TENM2: variants seen among roughly 807,000 people sequenced by gnomAD.
TENM2 encodes the protein teneurin transmembrane protein 2.
A neutral mutation model predicts 245.2 loss-of-function variants in TENM2; 52 were observed. The ratio of observed to expected loss-of-function variants is 0.21; its 90% CI spans 0.17 to 0.27. The LOEUF is 0.27. TENM2 is among the 10% of genes least tolerant of loss of function. The pLI, the probability that TENM2 is intolerant of heterozygous loss-of-function variation, is 1.00. For missense variants in TENM2, 3,046 were observed against 3,666.8 expected (o/e 0.83, Z 4.37); for synonymous variants, 1,363 against 1,438.9 (o/e 0.95, Z 1.19).
rs1769457549 is a variant in TENM2, at chr5:167,505,165, T to C, written c.502+129692T>C. On this transcript the variant is annotated intron_variant, in intron 2 of 28. Coordinates refer to ENST00000518659, the Ensembl canonical transcript of TENM2. ...GATATTCAAACTGATGCTATCATTT[T>C]CTTAGTAATGATTGAAAGCTGCCTC... 2.0e-5 allele frequency among the ~76,000 whole-genome samples: 3 copies of C among 152,204 alleles called. No homozygotes were observed. In the South Asian group the frequency reaches 6.2e-4, roughly 31 times the overall value.
In TENM2 at chr5:167,515,661, G is replaced by A. The variant is rs867021750; in HGVS notation, c.502+140188G>A. On this transcript the variant is annotated intron_variant, in intron 2 of 28. Coordinates refer to ENST00000518659, the Ensembl canonical transcript of TENM2. ...TATGTATATATATACACATATATAC[G>A]TATATATGTGTATATATATTTTGAG... is the stretch of plus-strand genomic sequence containing the variant. Among the ~76,000 whole-genome samples the A allele has an allele frequency of 6.1e-3, 510 of 83,870 alleles. 9 individuals carry two copies. Among genetic ancestry groups the A allele is most frequent in the African/African-American group, 0.019 (406 of 20,910 alleles). The allele number at this position is 83,870 out of a possible 152,430, so 55.0% of individuals were successfully genotyped here. A position where few individuals can be genotyped will look rare whatever the true frequency, so the allele number is the denominator to read the frequency against.
the TENM2 span, among the ~76,000 whole-genome samples, chr5:167,211,985 T>G: frequency 6.6e-6 from 1 of 152,160 alleles, no homozygotes; most frequent in African/African-American, 2.4e-5. Flanking sequence ...AAGTTACATC[T>G]CTAAAGCCCA....
chr5:168,098,743 T>A (rs893827752), intron 9 of TENM2, among the ~76,000 whole-genome samples: 2 of 151,990 alleles, frequency 1.3e-5, no homozygotes, highest in African/African-American at 4.8e-5. Flanking sequence ...GCAGGTATAG[T>A]GAAGAGCAGA....
At chr5:167,787,658 C>A (rs1186415280) in intron 2 of TENM2, among the ~76,000 whole-genome samples, 1 of 152,186 alleles carries the variant, frequency 6.6e-6, no homozygotes, top group South Asian at 2.1e-4. Flanking sequence ...ATCTTTTTGA[C>A]CTAGCCTACA....
chr5:167,308,743 G>C (rs1185439211), intron 1 of TENM2, among the ~76,000 whole-genome samples: 1 of 152,170 alleles, frequency 6.6e-6, no homozygotes, highest in African/African-American at 2.4e-5. Flanking sequence ...ATGCTGTCGG[G>C]CTCTGCTCGT....
At chr5:168,203,697 G>A (rs1319260864) in exon 18 of TENM2, 13 of 1,605,324 alleles carry the variant, frequency 8.1e-6, no homozygotes, top group African/African-American at 1.3e-5. Flanking sequence ...AGTGTCTGTC[G>A]GGTTTGAATA....
chr5:167,885,755 C>T (rs1234696091), intron 3 of TENM2, among the ~76,000 whole-genome samples: 10 of 152,198 alleles, frequency 6.6e-5, no homozygotes, highest in Non-Finnish European at 1.2e-4. Flanking sequence ...ATGGTCTTGG[C>T]TCACTGCAAC....
chr5:167,550,510 C>T (rs973821807), intron 2 of TENM2, among the ~76,000 whole-genome samples: 6 of 152,210 alleles, frequency 3.9e-5, no homozygotes, highest in African/African-American at 1.2e-4. Flanking sequence ...TCTCATTATG[C>T]AGACATCTTC....
At chr5:167,490,874 G>A (rs13175181) in intron 2 of TENM2, among the ~76,000 whole-genome samples, 55,692 of 152,072 alleles carry the variant, frequency 0.37, 12,520 homozygotes, top group Non-Finnish European at 0.52. Context: ...CCCAAGGTAA[G>A]GTAGTTAAGT....
At chr5:168,013,853 C>G (rs1055817201) in intron 5 of TENM2, among the ~76,000 whole-genome samples, 1 of 152,200 alleles carries the variant, frequency 6.6e-6, no homozygotes, top group African/African-American at 2.4e-5. Context: ...CTAGTCCACG[C>G]TCTCCCTGAA....
At chr5:167,639,833 G>A (rs940221308) in intron 2 of TENM2, among the ~76,000 whole-genome samples, 7 of 152,074 alleles carry the variant, frequency 4.6e-5, no homozygotes, top group Non-Finnish European at 1.0e-4. Flanking sequence ...AACAGTGCCT[G>A]GTACATGGTA....
chr5:167,473,467 G>C (rs1479008604), intron 2 of TENM2, among the ~76,000 whole-genome samples: 8 of 152,120 alleles, frequency 5.3e-5, no homozygotes, highest in Non-Finnish European at 1.0e-4. Context: ...ACGAAGGAAA[G>C]TTCATTCTCA....
intron 2 of TENM2, among the ~76,000 whole-genome samples, chr5:167,553,305 G>A (rs1310512015): frequency 6.6e-6 from 1 of 152,190 alleles, no homozygotes; most frequent in East Asian, 1.9e-4. Context: ...CAGGAACAGA[G>A]GGCTGGGAGG....
chr5:167,262,210 T>C, the TENM2 span, among the ~76,000 whole-genome samples: 1 of 152,022 alleles, frequency 6.6e-6, no homozygotes, highest in African/African-American at 2.4e-5. Flanking sequence ...AATACAAAAT[T>C]AGCCTGGGGT....
chr5:167,021,650 C>A, the TENM2 span, among the ~76,000 whole-genome samples: 1 of 152,200 alleles, frequency 6.6e-6, no homozygotes, highest in African/African-American at 2.4e-5. Flanking sequence ...CTAAACCTGA[C>A]TCAAACATCT....
chr5:167,370,076 C>T (rs1581863265), intron 1 of TENM2, among the ~76,000 whole-genome samples: 1 of 152,172 alleles, frequency 6.6e-6, no homozygotes, highest in East Asian at 1.9e-4. Flanking sequence ...GGCGCGGTGG[C>T]TCACGCCTGT....
intron 2 of TENM2, among the ~76,000 whole-genome samples, chr5:167,545,700 G>A (rs1451639139): frequency 6.6e-6 from 1 of 152,120 alleles, no homozygotes; most frequent in East Asian, 1.9e-4. Flanking sequence ...TACATCCAAA[G>A]TTTGTGAACT....
chr5:167,695,210 C>A (rs1744363090), intron 2 of TENM2, among the ~76,000 whole-genome samples: 3 of 152,282 alleles, frequency 2.0e-5, no homozygotes, highest in South Asian at 2.1e-4. Flanking sequence ...GGTAGGCAAA[C>A]TTTATCTGTA....
chr5:168,178,665 G>GA (rs1395429479), intron 13 of TENM2, among the ~76,000 whole-genome samples: 2 of 152,116 alleles, frequency 1.3e-5, no homozygotes, highest in African/African-American at 4.8e-5. Context: ...GAAAGAGACA[G>GA]AAAAAACAAC....
Sources: gnomAD v4.1 joint callset for allele counts (sites outside exome capture counted in the v4.1 genomes callset) on GRCh38, gnomAD v4.1.1 for gene constraint, MANE v1.5 for transcripts, NCBI Gene and HGNC (gene_info 2026-07-23, HGNC 2026-07-21) for gene names.